PVALB: variants seen among roughly 807,000 people sequenced by gnomAD.
PVALB encodes the protein parvalbumin alpha.
A neutral mutation model predicts 10.9 loss-of-function variants in PVALB; 11 were observed. The ratio of observed to expected loss-of-function variants is 1.01; its 90% CI spans 0.63 to 1.67. The LOEUF is 1.67. PVALB is among the 40% of genes most tolerant of loss of function. The pLI is 0.00. For synonymous variants in PVALB, 57 were observed against 50.7 expected, an observed-to-expected ratio of 1.12 and a Z score of -0.53; for missense variants, 131 against 136.2, an observed-to-expected ratio of 0.96 and a Z score of 0.19.
At chr22:36,814,901 G>A (rs2145954180) in intron 2 of PVALB, among the ~76,000 whole-genome samples, 1 of 152,272 alleles carries the variant, frequency 6.6e-6, no homozygotes, top group Middle Eastern at 3.4e-3. Flanking sequence ...TCAGCTGAGG[G>A]TTTTACTCTT....
chr22:36,816,670 C>A (rs1034513073), intron 1 of PVALB, among the ~76,000 whole-genome samples: 5 of 152,360 alleles, frequency 3.3e-5, no homozygotes, highest in East Asian at 3.9e-4. Flanking sequence ...TGGTCCCGGA[C>A]CCTGAGTCCT....
chr22:36,811,380 A>C (rs1459761212), intron 3 of PVALB: 1 of 420,544 alleles, frequency 2.4e-6, no homozygotes, highest in East Asian at 7.6e-5. Context: ...TCCATGTTAT[A>C]ATGCCTAGTT....
intron 3 of PVALB, among the ~76,000 whole-genome samples, chr22:36,801,619 G>T (rs1012472461): frequency 6.6e-6 from 1 of 152,168 alleles, no homozygotes; most frequent in African/African-American, 2.4e-5. Flanking sequence ...GGCCAACATG[G>T]TAAAACCCTG....
intron 3 of PVALB, among the ~76,000 whole-genome samples, chr22:36,810,717 C>T (rs980771630): frequency 6.6e-6 from 1 of 152,226 alleles, no homozygotes; most frequent in East Asian, 1.9e-4. Context: ...CTAGGCTGGA[C>T]ACACATGACA....
At chr22:36,807,803 CCGCCTCTCA>C (rs1170181555) in intron 3 of PVALB, among the ~76,000 whole-genome samples, 1 of 152,176 alleles carries the variant, frequency 6.6e-6, no homozygotes, top group Non-Finnish European at 1.5e-5. Flanking sequence ...CGCTACCACT[CCGCCTCTCA>C]CGCCTCTCAC....
At chr22:36,813,476 G>C (rs1367580576) in intron 3 of PVALB, 170 bp downstream of exon 3, 2 of 575,466 alleles carry the variant, frequency 3.5e-6, no homozygotes, top group Non-Finnish European at 6.3e-6. Context: ...CCTTTGTCTG[G>C]AGTATGTGGC....
intron 3 of PVALB, among the ~76,000 whole-genome samples, chr22:36,805,501 T>G (rs1938935694): frequency 6.6e-6 from 1 of 152,244 alleles, no homozygotes; most frequent in Non-Finnish European, 1.5e-5. Context: ...TCGTTGTTCT[T>G]GTTGCCATTG....
chr22:36,813,676 T>A lies in PVALB; in HGVS notation c.274A>T (p.Lys92Ter). Residue 92 changes from lysine to a stop codon, truncating the protein, a stop_gained, in exon 3 of 4, where the codon AAA becomes TAA. Transcript: ENST00000417718. LOFTEE classifies it high-confidence loss of function. ...ACCCCAATTTTGCCGTCCCCATCTT[T>A]GTCTCCAGCAGCCATCAGCATCTTG... ...ETKMLMAAGD[K>*]DGDGKIGVDE... The A allele has an allele frequency of 6.2e-7, 1 of 1,614,082 alleles. No individual in the cohort carries two copies. Among genetic ancestry groups the A allele is most frequent in the South Asian group, 1.1e-5 (1 of 91,062 alleles).
intron 3 of PVALB, among the ~76,000 whole-genome samples, chr22:36,807,723 G>T (rs189415672): frequency 6.6e-6 from 1 of 152,222 alleles, no homozygotes; most frequent in South Asian, 2.1e-4. Context: ...CCATTCCCAC[G>T]GCTGATCCCC....
At chr22:36,812,565 T>C (rs895566464) in intron 3 of PVALB, among the ~76,000 whole-genome samples, 12 of 152,234 alleles carry the variant, frequency 7.9e-5, no homozygotes, top group African/African-American at 4.8e-5. Flanking sequence ...GTAAGAATTA[T>C]CATTCTATTC....
chr22:36,815,003 G>A (rs746266186), intron 2 of PVALB, 100 bp downstream of exon 2: 1 of 1,469,006 alleles, frequency 6.8e-7, no homozygotes, highest in Non-Finnish European at 9.3e-7. Context: ...AGCAGGCAGA[G>A]TGAAAGGCAG....
intron 3 of PVALB, among the ~76,000 whole-genome samples, chr22:36,801,569 G>A (rs185102801): frequency 3.6e-4 from 55 of 152,334 alleles, no homozygotes; most frequent in Non-Finnish European, 1.6e-4. Flanking sequence ...GGAGGCTGAG[G>A]CAGGTGAATC....
intron 3 of PVALB, chr22:36,813,418 A>G: frequency 2.0e-6 from 1 of 506,762 alleles, no homozygotes. Context: ...CAGGAAAAAC[A>G]GAATCTATTC....
At chr22:36,818,570 C>T (rs1050558009), upstream of PVALB, 1 of 152,934 alleles carries the variant, frequency 6.5e-6, no homozygotes, top group African/African-American at 2.4e-5. Flanking sequence ...CTGCCCTGGA[C>T]CCTGCTGCTA....
At chr22:36,813,340 A>G (rs1939075182) in intron 3 of PVALB, 2 of 337,526 alleles carry the variant, frequency 5.9e-6, no homozygotes, top group Non-Finnish European at 1.1e-5. Context: ...TTGGGCCAGT[A>G]TCCATGCAAA....
In PVALB at chr22:36,814,492, T is replaced by C. The variant is rs561429299; in HGVS notation, c.194+611A>G. On this transcript the variant is annotated intron_variant, in intron 2 of 3. Coordinates refer to ENST00000417718, the MANE Select transcript of PVALB (RefSeq NM_001315532.2). Reference sequence around the variant, plus strand: ...ACTCAAGGCTTTCTTGGCCAGAAAGTGACATAAGGCAACCTGAGTCAGTAG... The same window carrying C: ...ACTCAAGGCTTTCTTGGCCAGAAAGCGACATAAGGCAACCTGAGTCAGTAG... 2.6e-5 allele frequency among the ~76,000 whole-genome samples: 4 copies of C among 152,160 alleles called. No individual in the cohort carries two copies. In the South Asian group the frequency reaches 8.3e-4, roughly 32 times the overall value.
At chr22:36,804,762 C>G (rs189265731) in intron 3 of PVALB, among the ~76,000 whole-genome samples, 8 of 152,110 alleles carry the variant, frequency 5.3e-5, no homozygotes, top group Non-Finnish European at 1.0e-4. Context: ...GGTGAAACCT[C>G]GTCTCTACTA....
intron 3 of PVALB, among the ~76,000 whole-genome samples, chr22:36,810,885 G>A (rs901526448): frequency 2.0e-5 from 3 of 152,208 alleles, no homozygotes; most frequent in African/African-American, 4.8e-5. Context: ...CTCCAAGTCC[G>A]TACAAAATGC....
At chr22:36,811,201 C>T (rs1477419735) in intron 3 of PVALB, among the ~76,000 whole-genome samples, 1 of 152,074 alleles carries the variant, frequency 6.6e-6, no homozygotes, top group Non-Finnish European at 1.5e-5. Flanking sequence ...TTGCTTAAAC[C>T]CAGGAGGCAG....
Sources: gnomAD v4.1 joint callset for allele counts (sites outside exome capture counted in the v4.1 genomes callset) on GRCh38, gnomAD v4.1.1 for gene constraint, MANE v1.5 for transcripts, NCBI Gene and HGNC (gene_info 2026-07-23, HGNC 2026-07-21) for gene names.